NTNG1: variants seen among roughly 807,000 people sequenced by gnomAD.
NTNG1 encodes the protein netrin-G1.
In NTNG1, 16 loss-of-function variants were observed where a neutral mutation model predicts 54.0. The observed-to-expected ratio is 0.30, with a 90% CI of 0.20 to 0.45. The LOEUF (loss-of-function observed/expected upper bound fraction) is 0.45, where lower values mean the gene tolerates loss of function less well. Ranked by LOEUF, NTNG1 falls within the 20% of genes least tolerant of loss-of-function variation. The pLI is 1.00. For missense variants in NTNG1, 530 were observed against 678.7 expected, an observed-to-expected ratio of 0.78 and a Z score of 2.43; for synonymous variants, 255 against 263.1, an observed-to-expected ratio of 0.97 and a Z score of 0.30.
At chr1:107,265,352 G>A (rs1663664775) in intron 2 of NTNG1, among the ~76,000 whole-genome samples, 1 of 151,950 alleles carries the variant, frequency 6.6e-6, no homozygotes, top group African/African-American at 2.4e-5. Flanking sequence ...TTTCTTTCAT[G>A]ACAATTCAAA....
chr1:107,408,902 A>G (rs1404745339), intron 5 of NTNG1: 2 of 152,138 alleles, frequency 1.3e-5, no homozygotes, highest in East Asian at 1.9e-4. Context: ...CCTGCTTCTT[A>G]TAAATGCACA....
intron 6 of NTNG1, among the ~76,000 whole-genome samples, chr1:107,433,395 A>G (rs981997875): frequency 1.3e-5 from 2 of 152,114 alleles, no homozygotes; most frequent in African/African-American, 4.8e-5. Context: ...AGAGATAAAA[A>G]ATTAGCTGAG....
At chr1:107,172,841 G>T (rs1248108735) in intron 2 of NTNG1, among the ~76,000 whole-genome samples, 3 of 152,094 alleles carry the variant, frequency 2.0e-5, no homozygotes, top group Admixed American at 1.3e-4. Flanking sequence ...CGAGCAATAG[G>T]TACTTGGTAG....
intron 2 of NTNG1, among the ~76,000 whole-genome samples, chr1:107,267,792 G>C (rs1003458249): frequency 2.6e-5 from 4 of 152,098 alleles, no homozygotes; most frequent in African/African-American, 9.7e-5. Context: ...TCCTCCAGTA[G>C]GTCTTTATCA....
intron 7 of NTNG1, among the ~76,000 whole-genome samples, chr1:107,476,685 G>A (rs1198533868): frequency 2.6e-5 from 4 of 152,050 alleles, no homozygotes; most frequent in Non-Finnish European, 4.4e-5. Context: ...TTCTATTTGA[G>A]TATGGTCTCC....
At chr1:107,423,125 CCT>C (rs759543342) in intron 5 of NTNG1, among the ~76,000 whole-genome samples, 44 of 152,060 alleles carry the variant, frequency 2.9e-4, no homozygotes, top group Non-Finnish European at 5.1e-4. Context: ...TTGTAAAACA[CCT>C]CTAGCCTTCA....
intron 2 of NTNG1, among the ~76,000 whole-genome samples, chr1:107,287,267 A>T (rs1433265732): frequency 1.3e-5 from 2 of 152,226 alleles, no homozygotes; most frequent in Non-Finnish European, 2.9e-5. Context: ...AACCAATAAA[A>T]AAAAAGGCGA....
rs1052278206 is a variant in NTNG1, at chr1:107,373,810, T to A, written c.888-21344T>A. Among the ~76,000 whole-genome samples the A allele has an allele frequency of 2.0e-5, 3 of 152,156 alleles. No homozygotes were observed. In the East Asian group the frequency reaches 5.8e-4, roughly 29 times the overall value. On this transcript the variant is annotated intron_variant, in intron 3 of 7. Coordinates refer to ENST00000370068, the MANE Select transcript of NTNG1 (RefSeq NM_001113226.3). ...ACATCCTGGGTTCAAGCAATCCTCA[T>A]GACTCAGCCTCTCAAGTAGCCGAGA...
intron 3 of NTNG1, among the ~76,000 whole-genome samples, chr1:107,341,322 G>A (rs1044156584): frequency 4.0e-5 from 6 of 151,808 alleles, no homozygotes; most frequent in Admixed American, 1.3e-4. Flanking sequence ...TGCCATTAAT[G>A]TGCACTTATC....
intron 2 of NTNG1, among the ~76,000 whole-genome samples, chr1:107,163,899 G>A (rs1156435779): frequency 6.6e-6 from 1 of 152,158 alleles, no homozygotes; most frequent in Non-Finnish European, 1.5e-5. Context: ...AGGAATTCCT[G>A]CTGCATGGGA....
chr1:107,178,082 G>A (rs931147490), intron 2 of NTNG1, among the ~76,000 whole-genome samples: 4 of 151,998 alleles, frequency 2.6e-5, no homozygotes, highest in Admixed American at 2.6e-4. Context: ...ATTCTGCCTT[G>A]CAAATGCAAC....
intron 2 of NTNG1, among the ~76,000 whole-genome samples, chr1:107,214,870 CT>C (rs1398238220): frequency 2.0e-5 from 3 of 151,000 alleles, no homozygotes; most frequent in Non-Finnish European, 4.4e-5. Flanking sequence ...ATTTACATTT[CT>C]CTCATCATTA....
intron 2 of NTNG1, among the ~76,000 whole-genome samples, chr1:107,262,988 A>G (rs976887405): frequency 2.2e-4 from 34 of 152,332 alleles, no homozygotes; most frequent in African/African-American, 7.7e-4. Context: ...AGGAATGGAA[A>G]TCATTATCTA....
intron 2 of NTNG1, among the ~76,000 whole-genome samples, chr1:107,271,642 A>G (rs933053681): frequency 6.6e-6 from 1 of 152,218 alleles, no homozygotes; most frequent in Non-Finnish European, 1.5e-5. Context: ...TGGATACTTC[A>G]TTAAAAATAG....
chr1:107,424,222 G>A (rs1016556547), intron 5 of NTNG1, among the ~76,000 whole-genome samples: 1 of 152,092 alleles, frequency 6.6e-6, no homozygotes, highest in South Asian at 2.1e-4. Context: ...AAAAAGAAAT[G>A]GGGAAGCAAA....
intron 2 of NTNG1, among the ~76,000 whole-genome samples, chr1:107,266,342 C>G (rs1160124990): frequency 1.3e-5 from 2 of 152,056 alleles, no homozygotes; most frequent in African/African-American, 4.8e-5. Flanking sequence ...GCGGGCTGTA[C>G]AGGAAGCAAG....
chr1:107,349,770 A>C (rs1207180667), intron 3 of NTNG1, among the ~76,000 whole-genome samples: 1 of 152,150 alleles, frequency 6.6e-6, no homozygotes, highest in Non-Finnish European at 1.5e-5. Context: ...GCTTCTGAGA[A>C]TCATAAATAT....
At chr1:107,456,435 T>TAA (rs1226487455) in intron 7 of NTNG1, among the ~76,000 whole-genome samples, 1 of 152,150 alleles carries the variant, frequency 6.6e-6, no homozygotes, top group African/African-American at 2.4e-5. Flanking sequence ...CTATCTGATT[T>TAA]TGGAGTCTCT....
At chr1:107,177,916 G>C (rs1436497438) in intron 2 of NTNG1, among the ~76,000 whole-genome samples, 1 of 152,094 alleles carries the variant, frequency 6.6e-6, no homozygotes, top group African/African-American at 2.4e-5. Flanking sequence ...TCTGGAGCTA[G>C]GAGGGACTAG....
Sources: gnomAD v4.1 joint callset for allele counts (sites outside exome capture counted in the v4.1 genomes callset) on GRCh38, gnomAD v4.1.1 for gene constraint, MANE v1.5 for transcripts, NCBI Gene and HGNC (gene_info 2026-07-23, HGNC 2026-07-21) for gene names.